STOML3: variants seen among roughly 807,000 people sequenced by gnomAD.
STOML3 encodes stomatin like 3.
STOML3 carries 31 observed loss-of-function variants against 29.5 expected under a neutral mutation model. The ratio of observed to expected loss-of-function variants is 1.05; its 90% confidence interval spans 0.79 to 1.42. STOML3 has a LOEUF of 1.42. Ranked by LOEUF, STOML3 falls within the 40% of genes most tolerant of loss-of-function variation. STOML3 has a pLI of 0.00. For synonymous variants in STOML3, 122 were observed against 139.8 expected, an observed-to-expected ratio of 0.87 and a Z score of 0.90; for missense variants, 380 against 363.0, an observed-to-expected ratio of 1.05 and a Z score of -0.38.
chr13:38,969,744 T>C (rs1447395900), intron 5 of STOML3, among the ~76,000 whole-genome samples: 1 of 152,192 alleles, frequency 6.6e-6, no homozygotes, highest in Non-Finnish European at 1.5e-5. Context: ...ATTGGTGGCA[T>C]GGTGTAAGAA....
In STOML3 at chr13:38,976,716, A is replaced by T. The variant is rs1350397754; in HGVS notation, c.134T>A (p.Ile45Asn). 6.2e-7 allele frequency: 1 copy of T among 1,613,996 alleles called. No homozygotes were observed. Among genetic ancestry groups the T allele is most frequent in the South Asian group, 1.1e-5 (1 of 91,052 alleles). ...TACCTTCAAGCACATCCATATGGAG[A>T]TGGGGAAGGTAATGATCACCAACAG... is the stretch of plus-strand genomic sequence containing the variant. ...SFLLVIITFP[I>N]SIWMCLKIIK... Residue 45 changes from isoleucine (I) to asparagine (N), a missense_variant, in exon 2 of 7, where the codon ATC becomes AAC. Physicochemically the swap from Ile to Asn is moderately radical, Grantham distance 149 (BLOSUM62 -3). Transcript: ENST00000379631.
chr13:38,988,696 A>T (rs1001199285), intron 1 of STOML3, among the ~76,000 whole-genome samples: 2 of 137,856 alleles, frequency 1.5e-5, no homozygotes, highest in South Asian at 4.3e-4. Context: ...TATCAAACAC[A>T]TCATTAAAAA....
intron 6 of STOML3, among the ~76,000 whole-genome samples, chr13:38,968,161 T>C (rs1880725956): frequency 6.6e-6 from 1 of 152,174 alleles, no homozygotes; most frequent in African/African-American, 2.4e-5. Flanking sequence ...CCTACTTGGC[T>C]AAGTTGCTCA....
intron 1 of STOML3, among the ~76,000 whole-genome samples, chr13:38,980,953 C>G (rs1468743010): frequency 6.6e-6 from 1 of 152,164 alleles, no homozygotes; most frequent in African/African-American, 2.4e-5. Context: ...GTGGAGACTT[C>G]CCCCTGTGTG....
At chr13:38,983,829 C>T (rs1452706075) in intron 1 of STOML3, among the ~76,000 whole-genome samples, 1 of 152,110 alleles carries the variant, frequency 6.6e-6, no homozygotes, top group East Asian at 1.9e-4. Context: ...CTGTATGTTC[C>T]CTTTTACCAT....
chr13:38,976,408 A>G (rs1300026614), intron 3 of STOML3, 132 bp downstream of exon 3: 5 of 953,580 alleles, frequency 5.2e-6, no homozygotes, highest in Non-Finnish European at 6.3e-6. Flanking sequence ...GTTGTACCAA[A>G]AGGCAAGAGC....
intron 6 of STOML3, among the ~76,000 whole-genome samples, chr13:38,967,447 T>C (rs1337638519): frequency 6.6e-6 from 1 of 152,232 alleles, no homozygotes; most frequent in Non-Finnish European, 1.5e-5. Flanking sequence ...TTAGTTATCT[T>C]AGATGTTTTT....
chr13:38,968,456 G>A lies in STOML3; in HGVS notation c.595C>T (p.Gln199Ter). 6.2e-7 allele frequency: 1 copy of A among 1,614,092 alleles called. No homozygotes were observed. Among genetic ancestry groups the A allele is most frequent in the Non-Finnish European group, 8.5e-7 (1 of 1,180,018 alleles). ...VEIKDVRIPVQLQRSMAAEAE... is the reference protein window; with the variant it reads ...VEIKDVRIPV ...TCGGCTGCCATGGATCTCTGCAACTGCACGGGAATCCGAACATCTTTGATT... is the reference window on the plus strand; with the variant it reads ...TCGGCTGCCATGGATCTCTGCAACTACACGGGAATCCGAACATCTTTGATT... The change falls in exon 6 of 7, where the codon CAG (glutamine) becomes TAG (stop). Residue 199 changes from glutamine to a stop codon, truncating the protein, a stop_gained. Transcript: ENST00000379631. LOFTEE classifies it high-confidence loss of function.
At chr13:38,985,911 C>CTTTTTTTTTTTTTTTTTTTTT (rs1170409048) in intron 1 of STOML3, among the ~76,000 whole-genome samples, 10 of 85,608 alleles carry the variant, frequency 1.2e-4, no homozygotes, top group South Asian at 5.1e-4. Flanking sequence ...TCTTTTCTTT[C>CTTTTTTTTTTTTTTTTTTTTT]TTTTTTTTTT....
intron 4 of STOML3, among the ~76,000 whole-genome samples, chr13:38,971,762 T>C (rs1387667100): frequency 6.6e-6 from 1 of 151,898 alleles, no homozygotes; most frequent in Non-Finnish European, 1.5e-5. Context: ...CTGTCTCCAC[T>C]AAAAATACAA....
Position 38,968,405 on chromosome 13 carries a change from C to A in STOML3, c.646G>T (p.Ala216Ser). 1 of 1,614,174 alleles carries A rather than the reference C, an allele frequency of 6.2e-7. No homozygotes were observed. The highest frequency in any genetic ancestry group is 8.5e-7 in the Non-Finnish European group (1 of 1,180,030). Reference protein sequence around the residue: ...AEAEATREARAKVLAAEGEMN... With the variant: ...AEAEATREARSKVLAAEGEMN... ...GTGAACTGCACAACACTTACCTTGG[C>A]TCTCGCTTCCCGGGTGGCCTCAGCC... Residue 216 changes from alanine (A) to serine (S), a missense_variant, in exon 6 of 7, where the codon GCC becomes TCC. Ala to Ser is a moderately conservative substitution (Grantham distance 99). Transcript: ENST00000379631.
chr13:38,968,828 A>T (rs148593862), intron 5 of STOML3, among the ~76,000 whole-genome samples: 1 of 152,206 alleles, frequency 6.6e-6, no homozygotes, highest in East Asian at 1.9e-4. Context: ...GGTATATGAG[A>T]TCCATCTAGA....
chr13:38,967,286 A>C (rs889726016), intron 6 of STOML3, among the ~76,000 whole-genome samples: 2 of 152,102 alleles, frequency 1.3e-5, no homozygotes, highest in Admixed American at 1.3e-4. Context: ...TTTTATCATC[A>C]AACAAAAATA....
chr13:38,973,634 G>A (rs1880971941), intron 3 of STOML3, among the ~76,000 whole-genome samples: 1 of 152,066 alleles, frequency 6.6e-6, no homozygotes, highest in African/African-American at 2.4e-5. Flanking sequence ...TTACACTGCT[G>A]ATTGGGTTCA....
chr13:38,989,692 T>C (rs887295521), intron 1 of STOML3, among the ~76,000 whole-genome samples: 2 of 152,134 alleles, frequency 1.3e-5, no homozygotes, highest in Admixed American at 6.6e-5. Flanking sequence ...AGATGAGTTT[T>C]TGCCATTTTG....
At chr13:38,989,748 T>C (rs1868923120) in intron 1 of STOML3, among the ~76,000 whole-genome samples, 1 of 152,168 alleles carries the variant, frequency 6.6e-6, no homozygotes, top group East Asian at 1.9e-4. Context: ...CTGCCTGCCT[T>C]GGCCTTCCAA....
At chr13:38,977,750 A>ATTTTTTTTTTTTTTTTT (rs397851686) in intron 1 of STOML3, among the ~76,000 whole-genome samples, 13 of 84,186 alleles carry the variant, frequency 1.5e-4, no homozygotes, top group Non-Finnish European at 2.5e-4. Context: ...AAGTCTCCGG[A>ATTTTTTTTTTTTTTTTT]TTTTTTTTTT....
intron 5 of STOML3, among the ~76,000 whole-genome samples, chr13:38,969,879 C>A (rs1377626353): frequency 1.3e-5 from 2 of 152,130 alleles, no homozygotes; most frequent in East Asian, 3.8e-4. Flanking sequence ...TAAATCTGAT[C>A]TCTAACTTCT....
intron 1 of STOML3, among the ~76,000 whole-genome samples, chr13:38,981,538 A>G (rs1415337873): frequency 6.6e-6 from 1 of 152,200 alleles, no homozygotes; most frequent in Non-Finnish European, 1.5e-5. Flanking sequence ...CTTGGTCAAG[A>G]GTATTTAAAT....
Sources: allele counts gnomAD v4.1 joint callset (sites outside exome capture counted in the v4.1 genomes callset), GRCh38; gene constraint gnomAD v4.1.1; transcripts MANE v1.5; gene names NCBI Gene and HGNC (gene_info 2026-07-23, HGNC 2026-07-21).